GALNT13: variants seen among roughly 807,000 people sequenced by gnomAD.
GALNT13 encodes polypeptide N-acetylgalactosaminyltransferase 13, also known as UDP-GalNAc:polypeptide N-acetylgalactosaminyltransferase 13.
A neutral mutation model predicts 64.2 loss-of-function variants in GALNT13; 28 were observed. The observed-to-expected ratio is 0.44, with a 90% CI of 0.32 to 0.60. The LOEUF (loss-of-function observed/expected upper bound fraction) is 0.60. GALNT13 is among the 20% of genes least tolerant of loss of function. The pLI, the probability that GALNT13 is intolerant of heterozygous loss-of-function variation, is 0.05. For synonymous variants in GALNT13, 214 were observed against 224.6 expected (o/e 0.95, Z 0.42); for missense variants, 577 against 669.8 (o/e 0.86, Z 1.53).
In GALNT13 at chr2:154,187,197, T is replaced by G. The variant is rs541301667; in HGVS notation, c.311+46692T>G. On this transcript the variant is annotated intron_variant, in intron 4 of 12. Transcript: ENST00000392825. ...TAAAGCTCTTCAACCTGGTGCTTTTTGTCAAACATATCTGATTTTACTGTA... is the reference window on the plus strand; with the variant it reads ...TAAAGCTCTTCAACCTGGTGCTTTTGGTCAAACATATCTGATTTTACTGTA... Among the ~76,000 whole-genome samples, 4 of 152,254 alleles carry G rather than the reference T, an allele frequency of 2.6e-5. No individual in the cohort carries two copies. In the East Asian group the frequency reaches 5.8e-4, roughly 22 times the overall value.
chr2:153,285,909 G>C, the GALNT13 span, among the ~76,000 whole-genome samples: 3 of 151,940 alleles, frequency 2.0e-5, no homozygotes, highest in Non-Finnish European at 2.9e-5. Context: ...CTAGAAAAAA[G>C]GAGTGAAACT....
the GALNT13 span, among the ~76,000 whole-genome samples, chr2:153,425,360 A>C: frequency 2.0e-5 from 3 of 151,706 alleles, no homozygotes. Flanking sequence ...AAATATTGTG[A>C]CTGCTTTAAC....
the GALNT13 span, among the ~76,000 whole-genome samples, chr2:153,338,861 T>C: frequency 6.6e-6 from 1 of 152,216 alleles, no homozygotes; most frequent in Non-Finnish European, 1.5e-5. Context: ...ATTCCACAAA[T>C]AAGTAAAATG....
the GALNT13 span, among the ~76,000 whole-genome samples, chr2:153,440,275 T>C: frequency 4.6e-5 from 7 of 152,222 alleles, no homozygotes; most frequent in African/African-American, 1.4e-4. Flanking sequence ...GCAAAGGACA[T>C]GAACTCATCC....
At chr2:153,554,666 G>C in the GALNT13 span, among the ~76,000 whole-genome samples, 1 of 146,576 alleles carries the variant, frequency 6.8e-6, no homozygotes, top group Admixed American at 6.8e-5. Flanking sequence ...ATGTGTGTGT[G>C]TGTGTGTGTG....
chr2:153,689,047 A>C, the GALNT13 span, among the ~76,000 whole-genome samples: 1 of 132,010 alleles, frequency 7.6e-6, no homozygotes, highest in Non-Finnish European at 1.6e-5. Flanking sequence ...CAGCATTAGT[A>C]GATATTGCTA....
the GALNT13 span, among the ~76,000 whole-genome samples, chr2:153,517,303 G>T: frequency 6.6e-6 from 1 of 152,164 alleles, no homozygotes; most frequent in Non-Finnish European, 1.5e-5. Context: ...AATAGACCCT[G>T]AGTGTTTTCA....
At chr2:153,801,591 G>C in the GALNT13 span, among the ~76,000 whole-genome samples, 3 of 151,958 alleles carry the variant, frequency 2.0e-5, no homozygotes, top group African/African-American at 7.2e-5. Flanking sequence ...CACCCCAAAA[G>C]AGTTACAATA....
intron 9 of GALNT13, among the ~76,000 whole-genome samples, chr2:154,322,830 C>G (rs930726535): frequency 6.6e-6 from 1 of 151,992 alleles, no homozygotes; most frequent in Non-Finnish European, 1.5e-5. Flanking sequence ...TAAAGTCCCT[C>G]AGTGGTATTC....
chr2:153,450,669 A>G, the GALNT13 span, among the ~76,000 whole-genome samples: 94 of 152,020 alleles, frequency 6.2e-4, no homozygotes, highest in Admixed American at 1.2e-3. Context: ...TCCGATGAAC[A>G]CATATCAGTC....
At chr2:153,798,659 A>G in the GALNT13 span, among the ~76,000 whole-genome samples, 4 of 152,200 alleles carry the variant, frequency 2.6e-5, no homozygotes, top group African/African-American at 9.6e-5. Context: ...CCCGTGAAGA[A>G]CCAGTTTTAA....
At chr2:153,545,911 C>T in the GALNT13 span, among the ~76,000 whole-genome samples, 1 of 152,168 alleles carries the variant, frequency 6.6e-6, no homozygotes, top group Non-Finnish European at 1.5e-5. Flanking sequence ...CAGTGGCTGA[C>T]AGGAAATGGA....
At chr2:153,707,602 G>A in the GALNT13 span, among the ~76,000 whole-genome samples, 20 of 152,130 alleles carry the variant, frequency 1.3e-4, no homozygotes, top group Non-Finnish European at 7.3e-5. Context: ...CTGCTGTACT[G>A]CCTTGTACAA....
At chr2:153,396,044 G>A in the GALNT13 span, among the ~76,000 whole-genome samples, 1 of 152,098 alleles carries the variant, frequency 6.6e-6, no homozygotes, top group Admixed American at 6.6e-5. Context: ...ATAAATGGGT[G>A]TGGCTCTGTT....
chr2:153,596,860 A>C, the GALNT13 span, among the ~76,000 whole-genome samples: 5 of 152,102 alleles, frequency 3.3e-5, no homozygotes, highest in African/African-American at 7.2e-5. Flanking sequence ...GGATATATTG[A>C]AATCTAATTA....
rs539156935 is a variant in GALNT13, at chr2:154,052,759, C to T, written c.143-87578C>T. Among the ~76,000 whole-genome samples, 33 of 134,600 alleles carry T rather than the reference C, an allele frequency of 2.5e-4. 2 individuals are homozygous for T. In the East Asian group the frequency reaches 6.5e-3, roughly 26 times the overall value. 88.3% of individuals were successfully genotyped at this position (134,600 alleles called of 152,430 possible). A position where few individuals can be genotyped will look rare whatever the true frequency, so the allele number is the denominator to read the frequency against. On this transcript the variant is annotated intron_variant, in intron 3 of 12. Transcript: ENST00000392825. ...CTTTTTTTTTTTTTTTTTTTTGAGACGGAGTCTCGCTGTCTTGCCCAGGCT... is the reference window on the plus strand; with the variant it reads ...CTTTTTTTTTTTTTTTTTTTTGAGATGGAGTCTCGCTGTCTTGCCCAGGCT...
chr2:153,869,647 G>A (rs1467645402), upstream of GALNT13, among the ~76,000 whole-genome samples: 2 of 152,038 alleles, frequency 1.3e-5, no homozygotes, highest in Middle Eastern at 3.4e-3. Flanking sequence ...CTTTAACCTT[G>A]GTCAGTTGGT....
the GALNT13 span, among the ~76,000 whole-genome samples, chr2:153,824,419 C>T: frequency 6.6e-6 from 1 of 152,106 alleles, no homozygotes; most frequent in African/African-American, 2.4e-5. Context: ...AAGACAAATG[C>T]ACTTGTCTTT....
intron 3 of GALNT13, among the ~76,000 whole-genome samples, chr2:154,118,530 G>A (rs906340253): frequency 2.0e-5 from 3 of 151,186 alleles, no homozygotes; most frequent in African/African-American, 4.9e-5. Flanking sequence ...AATTACTGAC[G>A]AGTAAGGACT....
Sources: gnomAD v4.1 joint callset for allele counts (sites outside exome capture counted in the v4.1 genomes callset) on GRCh38, gnomAD v4.1.1 for gene constraint, MANE v1.5 for transcripts, NCBI Gene and HGNC (gene_info 2026-07-23, HGNC 2026-07-21) for gene names.